The following DLG2 variants were observed in gnomAD, a reference collection of about 807,000 sequenced individuals.
DLG2 encodes disks large homolog 2.
A neutral mutation model predicts 132.5 loss-of-function variants in DLG2; 45 were observed. The observed-to-expected ratio is 0.34, with a 90% CI of 0.27 to 0.44. The LOEUF (loss-of-function observed/expected upper bound fraction) is 0.44, where lower values mean the gene tolerates loss of function less well. Among genes scored for constraint, DLG2 ranks in the 20% least tolerant of loss-of-function variants. The pLI is 1.00. For missense variants in DLG2, 1,045 were observed against 1,196.9 expected (o/e 0.87, Z 1.87); for synonymous variants, 424 against 419.6 (o/e 1.01, Z -0.13).
In DLG2 at chr11:84,059,320, G is replaced by C. The variant is rs2096554520; in HGVS notation, c.914C>G (p.Pro305Arg). ...TVVEIKLFKG[P>R]KGLGFSIAGG... is the part of the protein sequence containing the mutation. Reference sequence around the variant, plus strand: ...GTCATTTATATTTTGATTACCTTTAGGGCCTTTGAACAGTTTGATTTCCAC... The same window carrying C: ...GTCATTTATATTTTGATTACCTTTACGGCCTTTGAACAGTTTGATTTCCAC... Residue 305 changes from proline to arginine, a missense_variant, in exon 11 of 28, where the codon CCT becomes CGT. Transcript: ENST00000376104. 6.2e-7 allele frequency: 1 copy of C among 1,612,500 alleles called. No individual in the cohort carries two copies. The highest frequency in any genetic ancestry group is 1.3e-5 in the African/African-American group (1 of 74,788).
intron 17 of DLG2, among the ~76,000 whole-genome samples, chr11:83,808,734 T>C (rs907485350): frequency 1.3e-5 from 2 of 152,142 alleles, no homozygotes; most frequent in African/African-American, 4.8e-5. Flanking sequence ...TCCTACCACC[T>C]GGAAAAGTTG....
intron 8 of DLG2, among the ~76,000 whole-genome samples, chr11:84,209,765 T>G (rs2096726854): frequency 1.3e-5 from 2 of 152,164 alleles, no homozygotes; most frequent in Admixed American, 1.3e-4. Context: ...CGCAATGAGA[T>G]GCCACTCACT....
At chr11:85,388,811 TC>T (rs2086562077) in intron 3 of DLG2, among the ~76,000 whole-genome samples, 2 of 152,032 alleles carry the variant, frequency 1.3e-5, no homozygotes, top group African/African-American at 2.4e-5. Flanking sequence ...GAGCACCACA[TC>T]AAGGCAGCAC....
chr11:84,102,640 C>T (rs560784914), intron 9 of DLG2, among the ~76,000 whole-genome samples: 4 of 152,144 alleles, frequency 2.6e-5, no homozygotes, highest in South Asian at 2.1e-4. Flanking sequence ...AGTCACTGGG[C>T]GTGAAGGACC....
chr11:84,950,334 TA>T (rs2050759133), intron 6 of DLG2, among the ~76,000 whole-genome samples: 1 of 152,176 alleles, frequency 6.6e-6, no homozygotes, highest in Non-Finnish European at 1.5e-5. Flanking sequence ...TTCCAAGCCC[TA>T]GTCAGAGCAA....
At chr11:84,293,583 A>G (rs2098040242) in intron 7 of DLG2, among the ~76,000 whole-genome samples, 1 of 152,166 alleles carries the variant, frequency 6.6e-6, no homozygotes, top group Non-Finnish European at 1.5e-5. Context: ...CTGAGGTAGG[A>G]GAATTGCTGG....
At position 83,510,830 on chromosome 11, in the gene DLG2, GTTTTT is replaced by G. The variant is rs566973328; in HGVS notation, c.2193+21873_2193+21877del. ...TGGCTCAAAAGTTTCTGAACCATCC[GTTTTT>G]TTTTTTTTTTTTTTTTGGAAGGGAA... On this transcript the variant is annotated intron_variant, in intron 21 of 27. Coordinates refer to ENST00000376104, the MANE Select transcript of DLG2 (RefSeq NM_001142699.3). Among the ~76,000 whole-genome samples, 50 of 88,788 alleles carry G rather than the reference GTTTTT, an allele frequency of 5.6e-4. No homozygotes were observed. In the East Asian group the frequency reaches 7.0e-3, roughly 13 times the overall value. The allele number at this position is 88,788 out of a possible 152,430, so 58.2% of individuals were successfully genotyped here.
chr11:84,315,910 A>T (rs1380160068), intron 7 of DLG2, among the ~76,000 whole-genome samples: 1 of 152,178 alleles, frequency 6.6e-6, no homozygotes, highest in Non-Finnish European at 1.5e-5. Context: ...TGCTAAAATC[A>T]TATTAAAATT....
At chr11:83,880,591 A>G (rs1036750665) in intron 15 of DLG2, among the ~76,000 whole-genome samples, 11 of 152,198 alleles carry the variant, frequency 7.2e-5, no homozygotes, top group Admixed American at 5.9e-4. Flanking sequence ...CTTCAAAAAT[A>G]GACAGACTCT....
chr11:83,518,078 G>A (rs962823749), intron 21 of DLG2, among the ~76,000 whole-genome samples: 15 of 152,216 alleles, frequency 9.9e-5, no homozygotes, highest in African/African-American at 3.4e-4. Flanking sequence ...GTCTGCAGAG[G>A]TTTCTGGTGC....
chr11:84,020,365 C>T (rs2095355434), intron 11 of DLG2, among the ~76,000 whole-genome samples: 1 of 151,978 alleles, frequency 6.6e-6, no homozygotes, highest in African/African-American at 2.4e-5. Flanking sequence ...CATATACATG[C>T]AGTATACATT....
At chr11:85,235,718 G>A (rs1165410360) in intron 4 of DLG2, among the ~76,000 whole-genome samples, 3 of 151,914 alleles carry the variant, frequency 2.0e-5, no homozygotes, top group Admixed American at 1.3e-4. Flanking sequence ...GTACTTAAAA[G>A]TTATTTAAGA....
chr11:85,356,481 T>C (rs978417507), intron 3 of DLG2, among the ~76,000 whole-genome samples: 1 of 152,188 alleles, frequency 6.6e-6, no homozygotes, highest in African/African-American at 2.4e-5. Flanking sequence ...GGAATTATTA[T>C]GAGACAGAGA....
chr11:84,702,289 G>A (rs2059303057), intron 6 of DLG2, among the ~76,000 whole-genome samples: 2 of 151,570 alleles, frequency 1.3e-5, no homozygotes, highest in African/African-American at 4.8e-5. Flanking sequence ...AGTAACAGTG[G>A]TTGACTCTCA....
At chr11:84,546,359 C>T (rs1266631656) in intron 6 of DLG2, among the ~76,000 whole-genome samples, 4 of 152,144 alleles carry the variant, frequency 2.6e-5, no homozygotes, top group Non-Finnish European at 4.4e-5. Context: ...TTGAAAGTTT[C>T]CTGAGGCCTC....
chr11:85,330,794 A>AG (rs2081664641), intron 3 of DLG2, among the ~76,000 whole-genome samples: 1 of 22,526 alleles, frequency 4.4e-5, no homozygotes, highest in Non-Finnish European at 8.6e-5. Context: ...AAAAAAATTA[A>AG]AAAAAAAAAA....
chr11:85,128,248 T>C (rs1273648512), intron 5 of DLG2, among the ~76,000 whole-genome samples: 1 of 152,196 alleles, frequency 6.6e-6, no homozygotes, highest in East Asian at 1.9e-4. Flanking sequence ...TGTATAAGTA[T>C]GGTTAATGGA....
chr11:85,347,409 T>G (rs958936952), intron 3 of DLG2, among the ~76,000 whole-genome samples: 19 of 152,142 alleles, frequency 1.2e-4, no homozygotes, highest in Admixed American at 8.5e-4. Flanking sequence ...CAGACCTGGA[T>G]GGACTTTTTA....
intron 6 of DLG2, chr11:85,020,785 T>C (rs2059987868): frequency 4.2e-6 from 3 of 713,574 alleles, no homozygotes; most frequent in Non-Finnish European, 7.8e-6. Flanking sequence ...TTCAAAGTCA[T>C]CCTCTCCTTC....
Sources: allele counts gnomAD v4.1 joint callset (sites outside exome capture counted in the v4.1 genomes callset), GRCh38; gene constraint gnomAD v4.1.1; transcripts MANE v1.5; gene names NCBI Gene and HGNC (gene_info 2026-07-23, HGNC 2026-07-21).